The following WRN variants were observed in gnomAD, a reference collection of about 807,000 sequenced individuals.
WRN encodes bifunctional 3'-5' exonuclease/ATP-dependent helicase WRN.
In WRN, 149 loss-of-function variants were observed where a neutral mutation model predicts 180.7. The observed-to-expected ratio is 0.82, with a 90% CI of 0.72 to 0.94. The LOEUF is 0.94. Among genes scored for constraint, WRN ranks in the 40% least tolerant of loss-of-function variants. The pLI, the probability that WRN is intolerant of heterozygous loss-of-function variation, is 0.00. For synonymous variants in WRN, 548 were observed against 568.9 expected, an observed-to-expected ratio of 0.96 and a Z score of 0.52; for missense variants, 1,661 against 1,700.1, an observed-to-expected ratio of 0.98 and a Z score of 0.40.
chr8:31,130,026 A>AAAAAAAAAAAAC (rs1563369285), intron 23 of WRN, among the ~76,000 whole-genome samples: 1 of 135,214 alleles, frequency 7.4e-6, no homozygotes, highest in African/African-American at 3.3e-5. Flanking sequence ...AAAACAAAAC[A>AAAAAAAAAAAAC]AAAAAAAAAA....
At position 31,068,341 on chromosome 8, in the gene WRN, C is replaced by T. The variant is rs1455016344; in HGVS notation, c.724+14C>T. On this transcript the variant is annotated intron_variant, in intron 7 of 34. Transcript: ENST00000298139. ...CTATAAATAAAGGTATGTTAAGATC[C>T]ATAAATAAAATGTGAATTCACTCTT... 3 of 1,588,266 alleles carry T rather than the reference C, an allele frequency of 1.9e-6. No homozygotes were observed. The highest frequency in any genetic ancestry group is 1.1e-5 in the South Asian group (1 of 89,836).
intron 18 of WRN, 82 bp from the exon 19 acceptor site, chr8:31,111,533 A>G (rs569099497): frequency 1.3e-6 from 2 of 1,519,644 alleles, no homozygotes; most frequent in Non-Finnish European, 1.8e-6. Context: ...TTGTCCTACC[A>G]GTCTCTTTGT....
At position 31,111,656 on chromosome 8, in the gene WRN, C is replaced by A. The variant is rs1430741416; in HGVS notation, c.2130C>A (p.Ile710=). ...TTACTGCTACTGCAAGTTCTTCAAT[C>A]CGGGAAGACATTGTACGTTGCTTAA... ...VALTATASSS[I]REDIVRCLNL... The change falls in exon 19 of 35, where the codon ATC becomes ATA. Residue 710 remains isoleucine, a synonymous_variant. Transcript: ENST00000298139. 6.2e-7 allele frequency: 1 copy of A among 1,614,038 alleles called. No homozygotes were observed. The highest frequency in any genetic ancestry group is 1.3e-5 in the African/African-American group (1 of 75,030).
chr8:31,050,509 C>CT (rs60531883), intron 1 of WRN, among the ~76,000 whole-genome samples: 5,359 of 133,118 alleles, frequency 0.04, 166 homozygotes, highest in African/African-American at 0.076. Context: ...GTTTTGGATA[C>CT]TTTTTTTTTT....
At chr8:31,058,634 C>G (rs1812367953) in intron 2 of WRN, 91 bp downstream of exon 2, 3 of 1,332,818 alleles carry the variant, frequency 2.3e-6, no homozygotes, top group Non-Finnish European at 3.2e-6. Flanking sequence ...AACTTCAAGT[C>G]ATTGTTTAGG....
At chr8:31,084,989 C>T (rs977268283) in intron 10 of WRN, among the ~76,000 whole-genome samples, 177 bp from the exon 11 acceptor site, 1 of 151,566 alleles carries the variant, frequency 6.6e-6, no homozygotes, top group Non-Finnish European at 1.5e-5. Context: ...TTTCTTTGTT[C>T]ATTCTTCTCT....
chr8:31,084,952 ATTTC>A lies in WRN; in HGVS notation c.1351-204_1351-201del, dbSNP rs11574233. On this transcript the variant is annotated intron_variant, in intron 10 of 34. Coordinates refer to ENST00000298139, the MANE Select transcript of WRN (RefSeq NM_000553.6). ...TCTCTTTATCTAACTTTGTATTCCT[ATTTC>A]TTTCTTTCTCTTTGGTTCTTTGTTT... 7.9e-5 allele frequency among the ~76,000 whole-genome samples: 12 copies of A among 151,882 alleles called. No individual in the cohort carries two copies. The East Asian group carries it at 2.1e-3, about 27-fold the overall frequency.
intron 31 of WRN, among the ~76,000 whole-genome samples, chr8:31,153,922 T>A (rs1174583510): frequency 2.0e-5 from 3 of 152,166 alleles, no homozygotes; most frequent in African/African-American, 7.2e-5. Context: ...GACGAGGCTC[T>A]TCTTTAAATT....
rs150127188 is a variant in WRN, at chr8:31,072,601, C to T, written c.725-3572C>T. Among the ~76,000 whole-genome samples the T allele has an allele frequency of 4.0e-3, 615 of 152,230 alleles. 2 individuals are homozygous for T. The highest frequency in any genetic ancestry group is 6.5e-3 in the Non-Finnish European group (443 of 68,026). ...TCCTGCCTCAGCCTCCTGAATACCTCGGGTTTCAGGCCTCTGCATCTGGCT... is the reference window on the plus strand; with the variant it reads ...TCCTGCCTCAGCCTCCTGAATACCTTGGGTTTCAGGCCTCTGCATCTGGCT... On this transcript the variant is annotated intron_variant, in intron 7 of 34. Coordinates refer to ENST00000298139, the MANE Select transcript of WRN (RefSeq NM_000553.6).
At chr8:31,165,853 A>G (rs776841162) in intron 33 of WRN, among the ~76,000 whole-genome samples, 5 of 152,170 alleles carry the variant, frequency 3.3e-5, no homozygotes, top group African/African-American at 4.8e-5. Context: ...AATTTTGATG[A>G]TACTAGGATG....
rs192300407 is a variant in WRN, at chr8:31,164,719, A to C, written c.3983-2303A>C. On this transcript the variant is annotated intron_variant, in intron 33 of 34. Transcript: ENST00000298139. ...TGATTAATTTTATTCCCCCATTCTT[A>C]ATGTGCATGTAACTGGAAAATTAAG... Among the ~76,000 whole-genome samples the C allele has an allele frequency of 3.6e-4, 55 of 152,300 alleles. No individual in the cohort carries two copies. The East Asian group carries it at 7.3e-3, about 20-fold the overall frequency.
intron 13 of WRN, among the ~76,000 whole-genome samples, chr8:31,089,708 A>G (rs755000184): frequency 2.9e-4 from 44 of 151,942 alleles, no homozygotes; most frequent in Admixed American, 2.1e-3. Flanking sequence ...CACCTCTCCA[A>G]TTGATTTTTC....
chr8:31,172,855 A>G lies in WRN; in HGVS notation c.4192-140A>G, dbSNP rs563686649. On this transcript the variant is annotated intron_variant, in intron 34 of 34. Transcript: ENST00000298139. Reference sequence around the variant, plus strand: ...TATTTACTTTTTGATCCAGAAATAAATTATATAGATACCACTATTTTGTTT... The same window carrying G: ...TATTTACTTTTTGATCCAGAAATAAGTTATATAGATACCACTATTTTGTTT... The G allele has an allele frequency of 2.7e-4, 187 of 681,584 alleles. 1 individual carries two copies. Among genetic ancestry groups the G allele is most frequent in the Non-Finnish European group, 3.3e-4 (131 of 396,976 alleles). The allele number at this position is 681,584 out of a possible 1,614,324, so 42.2% of individuals were successfully genotyped here. A position where few individuals can be genotyped will look rare whatever the true frequency, so the allele number is the denominator to read the frequency against.
At chr8:31,084,832 A>G (rs1262282786) in intron 10 of WRN, among the ~76,000 whole-genome samples, 1 of 152,206 alleles carries the variant, frequency 6.6e-6, no homozygotes, top group East Asian at 1.9e-4. Context: ...AAGAGTTCTT[A>G]TACTCAAAAA....
chr8:31,162,217 C>G (rs1179941906), intron 33 of WRN, among the ~76,000 whole-genome samples: 2 of 152,138 alleles, frequency 1.3e-5, no homozygotes, highest in African/African-American at 4.8e-5. Context: ...TATTGTACAG[C>G]TATACAAATA....
intron 33 of WRN, among the ~76,000 whole-genome samples, chr8:31,161,577 G>A (rs914833904): frequency 2.6e-5 from 4 of 152,042 alleles, no homozygotes; most frequent in Admixed American, 1.3e-4. Context: ...GGTGGCTCAC[G>A]CCTGTAATCC....
At position 31,037,766 on chromosome 8, in the gene WRN, C is replaced by T. The variant is rs192197817; in HGVS notation, c.-77+3793C>T. 5.4e-4 allele frequency among the ~76,000 whole-genome samples: 82 copies of T among 152,152 alleles called. 1 individual carries two copies. Among genetic ancestry groups the T allele is most frequent in the Admixed American group, 3.2e-3 (49 of 15,284 alleles). The stretch of plus-strand genomic sequence containing the variant: ...TCTGTGTGTCTCTTTATGCCAGTAC[C>T]GTGCTGTTTTAATTACTAGAGTTTA... On this transcript the variant is annotated intron_variant, in intron 1 of 34. Coordinates refer to ENST00000298139, the MANE Select transcript of WRN (RefSeq NM_000553.6).
chr8:31,071,210 A>G (rs1812903029), intron 7 of WRN, among the ~76,000 whole-genome samples: 1 of 152,170 alleles, frequency 6.6e-6, no homozygotes, highest in African/African-American at 2.4e-5. Context: ...GATGAAGGCA[A>G]AGCAGAAAAA....
chr8:31,048,498 C>G (rs1379983676), intron 1 of WRN, among the ~76,000 whole-genome samples: 1 of 152,022 alleles, frequency 6.6e-6, no homozygotes, highest in Non-Finnish European at 1.5e-5. Flanking sequence ...GTATATGTAT[C>G]TAGATACACA....
Sources: gnomAD v4.1 joint callset for allele counts (sites outside exome capture counted in the v4.1 genomes callset) on GRCh38, gnomAD v4.1.1 for gene constraint, MANE v1.5 for transcripts, NCBI Gene and HGNC (gene_info 2026-07-23, HGNC 2026-07-21) for gene names.